The following HERC1 variants were observed in gnomAD, a reference collection of about 807,000 sequenced individuals.
HERC1 encodes the protein HECT and RLD domain containing E3 ubiquitin protein ligase family member 1, also known as probable E3 ubiquitin-protein ligase HERC1.
A neutral mutation model predicts 554.3 loss-of-function variants in HERC1; 160 were observed. That is an observed-to-expected ratio of 0.29 (90% CI 0.25 to 0.33). The LOEUF (loss-of-function observed/expected upper bound fraction) is 0.33, where lower values mean the gene tolerates loss of function less well. Among genes scored for constraint, HERC1 ranks in the 10% least tolerant of loss-of-function variants. The pLI is 1.00. For synonymous variants in HERC1, 2,175 were observed against 2,131.7 expected (o/e 1.02, Z -0.56); for missense variants, 4,919 against 5,918.5 (o/e 0.83, Z 5.54).
At chr15:63,650,708 T>C (rs1223159564) in intron 53 of HERC1, among the ~76,000 whole-genome samples, 2 of 152,192 alleles carry the variant, frequency 1.3e-5, no homozygotes, top group East Asian at 3.8e-4. Context: ...GATAACCAAA[T>C]TGGCATAAGA....
intron 48 of HERC1, among the ~76,000 whole-genome samples, chr15:63,657,576 T>A (rs1184350334): frequency 2.0e-5 from 3 of 152,172 alleles, no homozygotes; most frequent in African/African-American, 7.2e-5. Context: ...TATGGCTTGC[T>A]TTTTTACTTT....
rs368034502 is a variant in HERC1, at chr15:63,638,401, T to C, written c.12093+10A>G. 42 of 1,607,360 alleles carry C rather than the reference T, an allele frequency of 2.6e-5. No homozygotes were observed. The highest frequency in any genetic ancestry group is 3.6e-5 in the Non-Finnish European group (42 of 1,177,824). ...CATGTTTCTTTTCTATTTTTTATCC[T>C]GTTAGTTACCTGTTGGGCCTGTGAG... is the stretch of plus-strand genomic sequence containing the variant. On this transcript the variant is annotated intron_variant, in intron 63 of 77. Transcript: ENST00000443617.
rs2068212233 is a variant in HERC1, at chr15:63,624,418, T to TG, written c.13276-92dup. 59 of 1,200,200 alleles carry TG rather than the reference T, an allele frequency of 4.9e-5. No individual in the cohort carries two copies. The South Asian group carries it at 8.0e-4, about 16-fold the overall frequency. The allele number at this position is 1,200,200 out of a possible 1,614,324, so 74.3% of individuals were successfully genotyped here. A position where few individuals can be genotyped will look rare whatever the true frequency, so the allele number is the denominator to read the frequency against. ...CTTATAGAACATACATTATTTTGGCTGGGCGCAGTGGCTCATGCCTGTAGT... is the reference window on the plus strand; with the variant it reads ...CTTATAGAACATACATTATTTTGGCTGGGGCGCAGTGGCTCATGCCTGTAGT... On this transcript the variant is annotated intron_variant, in intron 71 of 77. Transcript: ENST00000443617.
Position 63,758,156 on chromosome 15 carries a change from A to C in HERC1, c.1221+19T>G, listed in dbSNP as rs762177239. Reference sequence around the variant, plus strand: ...ACACCAGATTATCTACCAGTTTGTAAGCTATTTAGAAAACTTACGGTCTGT... The same window carrying C: ...ACACCAGATTATCTACCAGTTTGTACGCTATTTAGAAAACTTACGGTCTGT... On this transcript the variant is annotated intron_variant, in intron 4 of 77. Coordinates refer to ENST00000443617, the MANE Select transcript of HERC1 (RefSeq NM_003922.4). This position sits in a 1 kb window ranked among gnomAD's most constrained non-coding sequence, Gnocchi z 4.0. 6.4e-7 allele frequency: 1 copy of C among 1,563,400 alleles called. No individual in the cohort carries two copies. Among genetic ancestry groups the C allele is most frequent in the Non-Finnish European group, 8.8e-7 (1 of 1,139,564 alleles).
chr15:63,732,259 C>T (rs1431763177), intron 14 of HERC1, among the ~76,000 whole-genome samples: 1 of 152,106 alleles, frequency 6.6e-6, no homozygotes, highest in Non-Finnish European at 1.5e-5. Flanking sequence ...ACTCGGCCTC[C>T]CAAAGTGCTG....
At position 63,713,340 on chromosome 15, in the gene HERC1, T is replaced by C; in HGVS notation, c.4463+13A>G. 2 of 1,607,264 alleles carry C rather than the reference T, an allele frequency of 1.2e-6. No homozygotes were observed. The highest frequency in any genetic ancestry group is 1.1e-5 in the South Asian group (1 of 90,726). On this transcript the variant is annotated intron_variant, in intron 23 of 77. Coordinates refer to ENST00000443617, the MANE Select transcript of HERC1 (RefSeq NM_003922.4). ...GTGAGTAGGTCATGTTTTCAGTGTC[T>C]AGTCAGTCCCACCTGGTCATAAGTC... is the stretch of plus-strand genomic sequence containing the variant.
At chr15:63,807,674 C>G (rs1355200887) in intron 1 of HERC1, among the ~76,000 whole-genome samples, 1 of 152,146 alleles carries the variant, frequency 6.6e-6, no homozygotes. Context: ...AATCAACTGT[C>G]CCCACCAACC....
chr15:63,723,456 C>G, intron 18 of HERC1, 101 bp from the exon 19 acceptor site: 1 of 846,648 alleles, frequency 1.2e-6, no homozygotes, highest in Non-Finnish European at 1.8e-6. Context: ...TGATAAACTT[C>G]AAACCATTTT....
intron 25 of HERC1, among the ~76,000 whole-genome samples, chr15:63,701,008 A>G (rs1287443072): frequency 6.6e-6 from 1 of 151,844 alleles, no homozygotes; most frequent in Non-Finnish European, 1.5e-5. Flanking sequence ...GGCTCCTCAC[A>G]TTGAACTTGT....
intron 18 of HERC1, among the ~76,000 whole-genome samples, chr15:63,724,967 T>C (rs2073981332): frequency 1.3e-5 from 2 of 152,172 alleles, no homozygotes; most frequent in Admixed American, 1.3e-4. Context: ...TGCTTTACAT[T>C]CTGGGAAGCA....
intron 1 of HERC1, among the ~76,000 whole-genome samples, chr15:63,809,989 A>G (rs143600242): frequency 2.6e-5 from 4 of 152,160 alleles, no homozygotes; most frequent in Non-Finnish European, 5.9e-5. Flanking sequence ...GAAACAATCT[A>G]AAGTCCACAA....
At chr15:63,691,697 C>G (rs1449713760) in intron 31 of HERC1, among the ~76,000 whole-genome samples, 2 of 151,580 alleles carry the variant, frequency 1.3e-5, no homozygotes, top group Non-Finnish European at 2.9e-5. Context: ...GTATATTGAG[C>G]GTGTAAACAT....
intron 23 of HERC1, 72 bp downstream of exon 23, chr15:63,713,277 GAAAC>G (rs1275390481): frequency 1.5e-5 from 19 of 1,259,456 alleles, no homozygotes; most frequent in African/African-American, 3.0e-5. Flanking sequence ...TGTAACTTTG[GAAAC>G]AAACCATTTC....
chr15:63,730,341 C>T (rs377130232), intron 14 of HERC1, among the ~76,000 whole-genome samples: 22 of 152,058 alleles, frequency 1.4e-4, no homozygotes, highest in African/African-American at 4.8e-4. Flanking sequence ...CACCTCTAGT[C>T]CCAGCTACTT....
chr15:63,715,790 A>G (rs1378334817), intron 22 of HERC1, among the ~76,000 whole-genome samples: 1 of 152,226 alleles, frequency 6.6e-6, no homozygotes, highest in African/African-American at 2.4e-5. Context: ...TAAAGGTATG[A>G]AAAGTTTTAT....
At chr15:63,776,927 A>C (rs1382204741) in intron 1 of HERC1, among the ~76,000 whole-genome samples, 2 of 152,386 alleles carry the variant, frequency 1.3e-5, no homozygotes, top group South Asian at 2.1e-4. Context: ...ATTTGAGGGA[A>C]GTAAACAGAC....
At chr15:63,743,249 C>CTTTTTTTTTTT (rs1260773975) in intron 12 of HERC1, among the ~76,000 whole-genome samples, 1 of 125,422 alleles carries the variant, frequency 8.0e-6, no homozygotes. Context: ...CTTTTTTTTT[C>CTTTTTTTTTTT]TTTTTTTCTT....
intron 24 of HERC1, among the ~76,000 whole-genome samples, chr15:63,710,863 C>T (rs2073257544): frequency 6.6e-6 from 1 of 152,050 alleles, no homozygotes; most frequent in Non-Finnish European, 1.5e-5. Context: ...GCTAAGAGTC[C>T]AGTGTGACAG....
intron 1 of HERC1, among the ~76,000 whole-genome samples, chr15:63,822,442 C>T (rs1429602977): frequency 2.6e-5 from 4 of 151,890 alleles, no homozygotes; most frequent in South Asian, 2.1e-4. Context: ...AAAAATTAGC[C>T]GGGCGTGGTG....
Sources: gnomAD v4.1 joint callset for allele counts (sites outside exome capture counted in the v4.1 genomes callset) on GRCh38, gnomAD v4.1.1 for gene constraint, Gnocchi (gnomAD v3.1) non-coding constraint, MANE v1.5 for transcripts, NCBI Gene and HGNC (gene_info 2026-07-23, HGNC 2026-07-21) for gene names.